EFCAB7: variants seen among roughly 807,000 people sequenced by gnomAD.
EFCAB7 encodes EF-hand calcium binding domain 7, also known as EF-hand calcium-binding domain-containing protein 7.
A neutral mutation model predicts 77.1 loss-of-function variants in EFCAB7; 66 were observed. The observed-to-expected ratio is 0.86, with a 90% CI of 0.70 to 1.05. The LOEUF (loss-of-function observed/expected upper bound fraction) is 1.05, where lower values mean the gene tolerates loss of function less well. EFCAB7 is among the 50% of genes least tolerant of loss of function. The pLI, the probability that EFCAB7 is intolerant of heterozygous loss-of-function variation, is 0.00. For missense variants in EFCAB7, 638 were observed against 730.5 expected, an observed-to-expected ratio of 0.87 and a Z score of 1.46; for synonymous variants, 225 against 243.3, an observed-to-expected ratio of 0.92 and a Z score of 0.70.
intron 11 of EFCAB7, among the ~76,000 whole-genome samples, chr1:63,567,549 C>T (rs1449689478): frequency 1.3e-5 from 2 of 152,168 alleles, no homozygotes; most frequent in East Asian, 3.9e-4. Context: ...ATTGGGGGGC[C>T]AGAGCAGATC....
chr1:63,583,300 A>C, the EFCAB7 span, among the ~76,000 whole-genome samples: 1 of 152,130 alleles, frequency 6.6e-6, no homozygotes, highest in Non-Finnish European at 1.5e-5. Context: ...TCAATGCCCT[A>C]CCCTCCGCAG....
chr1:63,546,708 C>A (rs1646903061), intron 7 of EFCAB7, among the ~76,000 whole-genome samples: 1 of 152,098 alleles, frequency 6.6e-6, no homozygotes, highest in South Asian at 2.1e-4. Flanking sequence ...TAGCTTTTTC[C>A]ATTTGTCAAT....
At position 63,545,947 on chromosome 1, in the gene EFCAB7, T is replaced by G. The variant is rs765144307; in HGVS notation, c.836T>G (p.Phe279Cys). 2.0e-5 allele frequency: 33 copies of G among 1,613,748 alleles called. No homozygotes were observed. Among genetic ancestry groups the G allele is most frequent in the Admixed American group, 1.0e-4 (6 of 59,936 alleles). ...DWQHMQSKGC[F>C]FLEEDGEIIS... ...CAACACATGCAATCAAAAGGTTGCT[T>G]CTTCTTAGAAGAAGATGGTGAAATC... The change falls in exon 7 of 14, where the codon TTC becomes TGC. Residue 279 changes from phenylalanine (F) to cysteine (C), a missense_variant. By Grantham distance (205) the Phe-to-Cys change is radical. Coordinates refer to ENST00000371088, the MANE Select transcript of EFCAB7 (RefSeq NM_032437.4).
chr1:63,529,045 A>G (rs1355595168), intron 2 of EFCAB7: 3 of 152,198 alleles, frequency 2.0e-5, no homozygotes, highest in African/African-American at 7.2e-5. Flanking sequence ...TTGGAATCCT[A>G]AAACACATAT....
chr1:63,556,673 T>C (rs1219143863), intron 9 of EFCAB7, among the ~76,000 whole-genome samples: 4 of 151,698 alleles, frequency 2.6e-5, no homozygotes, highest in Non-Finnish European at 2.9e-5. Flanking sequence ...ATTAACTTTA[T>C]AGTTTACAGA....
chr1:63,566,361 G>A (rs903562506), intron 11 of EFCAB7, among the ~76,000 whole-genome samples: 6 of 152,204 alleles, frequency 3.9e-5, no homozygotes, highest in African/African-American at 1.2e-4. Context: ...TGAAGAGTAC[G>A]AGGAGGGAGA....
At chr1:63,542,110 C>T (rs1216553205) in intron 6 of EFCAB7, among the ~76,000 whole-genome samples, 3 of 152,060 alleles carry the variant, frequency 2.0e-5, no homozygotes, top group African/African-American at 7.2e-5. Flanking sequence ...TTTCCCCCTC[C>T]CCACAGCCCC....
At chr1:63,572,263 G>A (rs1647283755) in intron 13 of EFCAB7, among the ~76,000 whole-genome samples, 179 bp from the exon 14 acceptor site, 1 of 152,158 alleles carries the variant, frequency 6.6e-6, no homozygotes, top group African/African-American at 2.4e-5. Flanking sequence ...ATTTAGACTG[G>A]ATTATCCTGT....
downstream of EFCAB7, among the ~76,000 whole-genome samples, chr1:63,573,830 C>T (rs185897495): frequency 1.1e-3 from 165 of 151,824 alleles, 2 homozygotes; most frequent in African/African-American, 3.7e-3. Flanking sequence ...AAAGGATTGT[C>T]CAGTCCTTTT....
chr1:63,552,368 A>G (rs1051867233), intron 8 of EFCAB7, among the ~76,000 whole-genome samples: 1 of 152,204 alleles, frequency 6.6e-6, no homozygotes, highest in African/African-American at 2.4e-5. Context: ...AACATTTGAT[A>G]TACTCAATAA....
chr1:63,568,421 C>A lies in EFCAB7; in HGVS notation c.1609C>A (p.Leu537Ile), dbSNP rs751196573. The A allele has an allele frequency of 1.6e-5, 25 of 1,586,366 alleles. No homozygotes were observed. In the Admixed American group the frequency reaches 3.7e-4, roughly 23 times the overall value. The change falls in exon 12 of 14, where the codon CTT becomes ATT. Residue 537 changes from leucine to isoleucine, a missense_variant. Coordinates refer to ENST00000371088, the MANE Select transcript of EFCAB7 (RefSeq NM_032437.4). ...QLEKAICKSV[L>I]SNGDAKVMDG... ...TGAGAAGGCCATTTGTAAATCTGTT[C>A]TTAGCAACGGTGATGCCAAAGTAAT... is the stretch of plus-strand genomic sequence containing the variant.
intron 11 of EFCAB7, among the ~76,000 whole-genome samples, chr1:63,563,167 C>T (rs1161849029): frequency 2.0e-5 from 3 of 152,152 alleles, no homozygotes; most frequent in Admixed American, 6.6e-5. Context: ...CAATTTAAGA[C>T]TTTTTACCAC....
rs565426954 is a variant in EFCAB7 at position 63,563,912 on chromosome 1, C to T, written c.1497+2055C>T. 3.3e-5 allele frequency among the ~76,000 whole-genome samples: 5 copies of T among 152,186 alleles called. No homozygotes were observed. The South Asian group carries it at 6.2e-4, about 19-fold the overall frequency. ...CCTATATACTGTAATTGAATAGTTG[C>T]TCTTTTACTGAATTTGAGAAGTGAA... On this transcript the variant is annotated intron_variant, in intron 11 of 13. Transcript: ENST00000371088.
At chr1:63,576,815 G>C (rs560892317), downstream of EFCAB7, among the ~76,000 whole-genome samples, 13 of 151,566 alleles carry the variant, frequency 8.6e-5, no homozygotes, top group Middle Eastern at 3.4e-3. Flanking sequence ...CAGCCTGGGT[G>C]ACAGAGAGAG....
intron 12 of EFCAB7, 178 bp downstream of exon 12, chr1:63,568,697 A>G (rs1364223017): frequency 8.3e-6 from 4 of 483,952 alleles, no homozygotes; most frequent in South Asian, 8.4e-5. Context: ...GGTAATTTTT[A>G]TATGATTTTT....
chr1:63,557,371 A>G, intron 10 of EFCAB7, 124 bp downstream of exon 10: 1 of 890,938 alleles, frequency 1.1e-6, no homozygotes. Flanking sequence ...ACAGTTTGAA[A>G]GTAGTATTGT....
chr1:63,568,679 C>G (rs1647198169), intron 12 of EFCAB7, 160 bp downstream of exon 12: 3 of 504,134 alleles, frequency 6.0e-6, no homozygotes, highest in Non-Finnish European at 9.9e-6. Context: ...CTAACTCAAA[C>G]TGGGAGTGGT....
intron 12 of EFCAB7, chr1:63,570,173 G>C (rs1323383832): frequency 6.6e-6 from 1 of 152,214 alleles, no homozygotes; most frequent in Non-Finnish European, 1.5e-5. Context: ...ACACAGCTAA[G>C]TAGTAGAAGA....
chr1:63,523,717 A>G (rs1444870721), intron 1 of EFCAB7, 83 bp downstream of exon 1: 2 of 162,834 alleles, frequency 1.2e-5, no homozygotes, highest in African/African-American at 4.8e-5. Flanking sequence ...TGCTTTGTCT[A>G]CTTCTCTGTC....
Sources: gnomAD v4.1 joint callset for allele counts (sites outside exome capture counted in the v4.1 genomes callset) on GRCh38, gnomAD v4.1.1 for gene constraint, MANE v1.5 for transcripts, NCBI Gene and HGNC (gene_info 2026-07-23, HGNC 2026-07-21) for gene names.